The following KLHL35 variants were observed in gnomAD, a reference collection of about 807,000 sequenced individuals.
KLHL35 encodes the protein kelch like family member 35.
In KLHL35, 50 loss-of-function variants were observed where a neutral mutation model predicts 44.0. That is an observed-to-expected ratio of 1.14 (90% CI 0.91 to 1.44). The LOEUF (loss-of-function observed/expected upper bound fraction) is 1.44. KLHL35 is among the 40% of genes most tolerant of loss of function. The pLI, the probability that KLHL35 is intolerant of heterozygous loss-of-function variation, is 0.00. For missense variants in KLHL35, 1,049 were observed against 887.8 expected (o/e 1.18, Z -2.31); for synonymous variants, 470 against 410.4 (o/e 1.15, Z -1.76).
rs1948519610 is a variant in KLHL35, at chr11:75,429,904, C to T, written c.726G>A (p.Val242=). The T allele has an allele frequency of 1.3e-6, 2 of 1,504,706 alleles. No individual in the cohort carries two copies. The highest frequency in any genetic ancestry group is 1.5e-5 in the African/African-American group (1 of 68,778). 93.2% of individuals were successfully genotyped at this position (1,504,706 alleles called of 1,614,324 possible). Reference sequence around the variant, plus strand: ...AAGCGGGCGCCAGTAGCGGCAGGCGCACGTGCTCCAGCAGGCGTCGCAGCT... The same window carrying T: ...AAGCGGGCGCCAGTAGCGGCAGGCGTACGTGCTCCAGCAGGCGTCGCAGCT... The part of the protein sequence containing the change: ...RGQLRRLLEH[V]RLPLLAPAYF... Residue 242 remains valine (V), a synonymous_variant, in exon 2 of 7, where the codon GTG becomes GTA. Coordinates refer to ENST00000539798, the MANE Select transcript of KLHL35 (RefSeq NM_001039548.3).
rs563295768 is a variant in KLHL35, at chr11:75,429,058, C to T, written c.882-432G>A. On this transcript the variant is annotated intron_variant, in intron 2 of 6. Coordinates refer to ENST00000539798, the MANE Select transcript of KLHL35 (RefSeq NM_001039548.3). The stretch of plus-strand genomic sequence containing the variant: ...GGTTTGTCTGTCGCTAACTCATCTT[C>T]AACACCCTTTTCTCACCTCCAACCG... 1.4e-3 allele frequency among the ~76,000 whole-genome samples: 218 copies of T among 152,332 alleles called. 2 individuals carry two copies. The highest frequency in any genetic ancestry group is 6.6e-3 in the South Asian group (32 of 4,822).
rs554705312 is a variant in KLHL35 at position 75,430,736 on chromosome 11, G to T, written c.-1-106C>A. On this transcript the variant is annotated intron_variant, in intron 1 of 6. Transcript: ENST00000539798. ...TTCCTCTCTTGACCATTTGTTCAGC[G>T]ACTCTCCCCTCCGTTCAGCATCCAG... 11 of 983,250 alleles carry T rather than the reference G, an allele frequency of 1.1e-5. No individual in the cohort carries two copies. The African/African-American group carries it at 1.9e-4, about 17-fold the overall frequency. 60.9% of individuals were successfully genotyped at this position (983,250 alleles called of 1,614,324 possible). A position where few individuals can be genotyped will look rare whatever the true frequency, so the allele number is the denominator to read the frequency against.
rs1948525767 is a variant in KLHL35 at position 75,430,326 on chromosome 11, C to T, written c.304G>A (p.Ala102Thr). 1 of 1,266,214 alleles carries T rather than the reference C, an allele frequency of 7.9e-7. No individual in the cohort carries two copies. The highest frequency in any genetic ancestry group is 9.9e-7 in the Non-Finnish European group (1 of 1,005,666). 78.4% of individuals were successfully genotyped at this position (1,266,214 alleles called of 1,614,324 possible). ...PGTSPAGAAA[A>T]LAVVLDYVYG... ...ACGTAGTCGAGCACCACGGCCAGCG[C>T]CGCCGCCGCCCCGGCCGGGCTCGTG... is the stretch of plus-strand genomic sequence containing the variant. Residue 102 changes from alanine (A) to threonine (T), a missense_variant, in exon 2 of 7, where the codon GCG (alanine) becomes ACG (threonine). Ala to Thr is a moderately conservative substitution (Grantham distance 58). Transcript: ENST00000539798.
In KLHL35 at chr11:75,427,869, G is replaced by A. The variant is rs1451766678; in HGVS notation, c.1066+573C>T. Among the ~76,000 whole-genome samples the A allele has an allele frequency of 2.6e-5, 4 of 152,222 alleles. No individual in the cohort carries two copies. In the South Asian group the frequency reaches 8.3e-4, roughly 32 times the overall value. On this transcript the variant is annotated intron_variant, in intron 3 of 6. Coordinates refer to ENST00000539798, the MANE Select transcript of KLHL35 (RefSeq NM_001039548.3). ...CTGAGTGGCATTCCAGATCATCTGG[G>A]GACTCTGAGAATTCTGATCACATTC...
intron 6 of KLHL35, 69 bp from the exon 7 acceptor site, chr11:75,422,837 GC>G: frequency 6.9e-7 from 1 of 1,441,032 alleles, no homozygotes; most frequent in Non-Finnish European, 9.6e-7. Context: ...GCCTGGCCAG[GC>G]CAGATAATAG....
chr11:75,428,178 T>C (rs551590190), intron 3 of KLHL35, among the ~76,000 whole-genome samples: 1 of 152,250 alleles, frequency 6.6e-6, no homozygotes, highest in South Asian at 2.1e-4. Context: ...AGTAGGCTAG[T>C]TGAAGTGATT....
chr11:75,426,752 G>A, intron 3 of KLHL35, 114 bp from the exon 4 acceptor site: 1 of 648,622 alleles, frequency 1.5e-6, no homozygotes, highest in Non-Finnish European at 2.7e-6. Context: ...GAAGGCAGCA[G>A]GAGGACTTCT....
intron 1 of KLHL35, among the ~76,000 whole-genome samples, chr11:75,430,992 G>A (rs967268293): frequency 2.0e-5 from 3 of 152,220 alleles, no homozygotes; most frequent in African/African-American, 4.8e-5. Context: ...TAGGAGTAGG[G>A]CTGTGTCCCA....
chr11:75,429,032 A>G (rs1948513265), intron 2 of KLHL35, among the ~76,000 whole-genome samples: 1 of 152,210 alleles, frequency 6.6e-6, no homozygotes, highest in Non-Finnish European at 1.5e-5. Context: ...ATTCAAGCCC[A>G]GGTTTGTCTG....
intron 5 of KLHL35, chr11:75,424,335 C>G (rs1231754412): frequency 1.3e-5 from 2 of 159,078 alleles, no homozygotes; most frequent in African/African-American, 4.8e-5. Context: ...TCAGAGCAGA[C>G]CCCCGACGGG....
At chr11:75,429,305 G>A (rs1592039465) in intron 2 of KLHL35, among the ~76,000 whole-genome samples, 1 of 152,124 alleles carries the variant, frequency 6.6e-6, no homozygotes, top group Admixed American at 6.5e-5. Flanking sequence ...AGAGAGTGTC[G>A]TCTCTGGGGG....
chr11:75,424,266 T>G, intron 5 of KLHL35: 1 of 201,610 alleles, frequency 5.0e-6, no homozygotes, highest in Non-Finnish European at 1.0e-5. Context: ...AGATTAATCA[T>G]AGAGCACATC....
At position 75,430,469 on chromosome 11, in the gene KLHL35, C is replaced by T. The variant is rs1948527391; in HGVS notation, c.161G>A (p.Cys54Tyr). The stretch of plus-strand genomic sequence containing the variant: ...GCCCGCGCTGAGCGCCGCGCGGTGG[C>T]ACGGAAAGTCGCGCCCGCCGGCGCG... The part of the protein sequence containing the change: ...VLRAGGRDFP[C>Y]HRAALSAGSA... Residue 54 changes from cysteine to tyrosine, a missense_variant, in exon 2 of 7, where the codon TGC becomes TAC. By Grantham distance (194) the Cys-to-Tyr change is radical (BLOSUM62 -2). Transcript: ENST00000539798. The T allele has an allele frequency of 1.4e-6, 2 of 1,398,500 alleles. No individual in the cohort carries two copies. The highest frequency in any genetic ancestry group is 1.9e-6 in the Non-Finnish European group (2 of 1,080,404). The allele number at this position is 1,398,500 out of a possible 1,614,324, so 86.6% of individuals were successfully genotyped here. A position where few individuals can be genotyped will look rare whatever the true frequency, so the allele number is the denominator to read the frequency against.
intron 3 of KLHL35, among the ~76,000 whole-genome samples, chr11:75,428,117 G>C (rs1292175905): frequency 3.3e-5 from 5 of 152,196 alleles, no homozygotes; most frequent in Non-Finnish European, 7.3e-5. Context: ...AGCATTGTAG[G>C]GGGATTTAAT....
intron 1 of KLHL35, among the ~76,000 whole-genome samples, chr11:75,431,046 C>G (rs917198685): frequency 3.3e-5 from 5 of 152,122 alleles, no homozygotes; most frequent in African/African-American, 1.2e-4. Flanking sequence ...GGGTCTGTAG[C>G]GGGAGAGCAG....
At chr11:75,428,668 A>ACTTGG in intron 2 of KLHL35, 42 bp from the exon 3 acceptor site, 1 of 1,508,438 alleles carries the variant, frequency 6.6e-7, no homozygotes, top group Non-Finnish European at 8.9e-7. Context: ...GCCGCACCCA[A>ACTTGG]GTTCGGCCCT....
At position 75,430,591 on chromosome 11, in the gene KLHL35, G is replaced by C. The variant is rs1438351998; in HGVS notation, c.39C>G (p.Gly13=). 1.1e-5 allele frequency: 15 copies of C among 1,424,292 alleles called. No homozygotes were observed. Among genetic ancestry groups the C allele is most frequent in the Non-Finnish European group, 1.4e-5 (15 of 1,091,312 alleles). 88.2% of individuals were successfully genotyped at this position (1,424,292 alleles called of 1,614,324 possible). Residue 13 remains glycine, a synonymous_variant, in exon 2 of 7, where the codon GGC becomes GGG. Transcript: ENST00000539798. ...QGHAPEESEP[G]CEAPCAGPCH... is the part of the protein sequence containing the mutation. ...ACGGACCCGCGCACGGCGCTTCGCA[G>C]CCCGGCTCCGACTCCTCCGGCGCAT...
rs1186860584 is a variant in KLHL35, at chr11:75,424,038, G to T, written c.1375-158C>A. On this transcript the variant is annotated intron_variant, in intron 5 of 6. Coordinates refer to ENST00000539798, the MANE Select transcript of KLHL35 (RefSeq NM_001039548.3). ...GCCAGCATCTGGGAGGGAGGGGGAG[G>T]TCCACCGTCCCTGCCCTCAAGGGCT... The T allele has an allele frequency of 1.1e-5, 7 of 613,816 alleles. No homozygotes were observed. In the East Asian group the frequency reaches 1.7e-4, roughly 15 times the overall value. 38.0% of individuals were successfully genotyped at this position (613,816 alleles called of 1,614,324 possible). A position where few individuals can be genotyped will look rare whatever the true frequency, so the allele number is the denominator to read the frequency against.
chr11:75,429,952 G>C lies in KLHL35; in HGVS notation c.678C>G (p.His226Gln), dbSNP rs774830614. ...VFEAAMRWVR[H>Q]DAPARRGQLR... is the part of the protein sequence containing the mutation. ...GCTGGCCGCGGCGGGCCGGCGCGTC[G>C]TGGCGCACCCAGCGCATGGCCGCTT... The change falls in exon 2 of 7, where the codon CAC (histidine) becomes CAG (glutamine). Residue 226 changes from histidine to glutamine, a missense_variant. Coordinates refer to ENST00000539798, the MANE Select transcript of KLHL35 (RefSeq NM_001039548.3). The C allele has an allele frequency of 6.9e-7, 1 of 1,451,718 alleles. No individual in the cohort carries two copies. Among genetic ancestry groups the C allele is most frequent in the African/African-American group, 1.5e-5 (1 of 67,364 alleles). The allele number at this position is 1,451,718 out of a possible 1,614,324, so 89.9% of individuals were successfully genotyped here. A position where few individuals can be genotyped will look rare whatever the true frequency, so the allele number is the denominator to read the frequency against.
Sources: gnomAD v4.1 joint callset for allele counts (sites outside exome capture counted in the v4.1 genomes callset) on GRCh38, gnomAD v4.1.1 for gene constraint, MANE v1.5 for transcripts, NCBI Gene and HGNC (gene_info 2026-07-23, HGNC 2026-07-21) for gene names.